The following GRIK1 variants were observed in gnomAD, a reference collection of about 807,000 sequenced individuals.
GRIK1 encodes glutamate receptor ionotropic, kainate 1.
In GRIK1, 69 loss-of-function variants were observed where a neutral mutation model predicts 105.7. The ratio of observed to expected loss-of-function variants is 0.65; its 90% CI spans 0.54 to 0.80. GRIK1 has a LOEUF of 0.80. Among genes scored for constraint, GRIK1 ranks in the 30% least tolerant of loss-of-function variants. The pLI, the probability that GRIK1 is intolerant of heterozygous loss-of-function variation, is 0.00. For synonymous variants in GRIK1, 438 were observed against 431.3 expected (o/e 1.02, Z -0.19); for missense variants, 1,109 against 1,167.3 (o/e 0.95, Z 0.73).
At chr21:29,672,944 A>G (rs1455389742) in intron 4 of GRIK1, 39 bp downstream of exon 4, 2 of 1,472,108 alleles carry the variant, frequency 1.4e-6, no homozygotes, top group Middle Eastern at 1.8e-4. Flanking sequence ...AGAAAATAAC[A>G]TTTATCCCAC....
At chr21:29,771,932 A>T (rs1475214125) in intron 1 of GRIK1, among the ~76,000 whole-genome samples, 1 of 152,228 alleles carries the variant, frequency 6.6e-6, no homozygotes, top group East Asian at 1.9e-4. Context: ...AAAGATGAAC[A>T]CTCAGCAAGC....
At chr21:29,606,592 C>T (rs533808124) in intron 7 of GRIK1, among the ~76,000 whole-genome samples, 13 of 152,164 alleles carry the variant, frequency 8.5e-5, no homozygotes, top group South Asian at 4.2e-4. Context: ...AATGGTCCTA[C>T]GATGGTGCCC....
At chr21:29,668,992 C>T (rs762394641) in intron 4 of GRIK1, among the ~76,000 whole-genome samples, 3 of 152,056 alleles carry the variant, frequency 2.0e-5, no homozygotes, top group Admixed American at 1.3e-4. Flanking sequence ...AGGACACATG[C>T]GACCTTCTGG....
chr21:29,897,576 T>C (rs1569200088), intron 1 of GRIK1, among the ~76,000 whole-genome samples: 1 of 152,216 alleles, frequency 6.6e-6, no homozygotes, highest in Non-Finnish European at 1.5e-5. Context: ...AAATTTTACA[T>C]TCATGTTAAA....
At chr21:29,915,528 C>T (rs1201003216) in intron 1 of GRIK1, among the ~76,000 whole-genome samples, 1 of 151,978 alleles carries the variant, frequency 6.6e-6, no homozygotes, top group Non-Finnish European at 1.5e-5. Context: ...CTTTCTCTCA[C>T]AGGAAGGGAA....
At chr21:29,598,470 G>A (rs1362365914) in intron 8 of GRIK1, among the ~76,000 whole-genome samples, 3 of 152,108 alleles carry the variant, frequency 2.0e-5, no homozygotes, top group South Asian at 4.1e-4. Context: ...CCATTCCATC[G>A]ATAAACCATT....
Position 29,537,225 on chromosome 21 carries a change from T to C in GRIK1, c.*5A>G. The C allele has an allele frequency of 6.3e-7, 1 of 1,581,462 alleles. No individual in the cohort carries two copies. The highest frequency in any genetic ancestry group is 8.6e-7 in the Non-Finnish European group (1 of 1,168,530). On this transcript the variant is annotated 3_prime_UTR_variant, in exon 18 of 18. Transcript: ENST00000327783. The stretch of plus-strand genomic sequence containing the variant: ...CCTTTTTCTTCCTACAGGCGTTTCC[T>C]TGGATCACGCCACAGTCTCTTTTCT...
intron 3 of GRIK1, among the ~76,000 whole-genome samples, chr21:29,682,644 A>C (rs2063402393): frequency 1.3e-5 from 2 of 152,254 alleles, no homozygotes; most frequent in South Asian, 4.1e-4. Context: ...AGATGAATTA[A>C]AGATTTAAGT....
chr21:29,847,164 C>G (rs911415973), intron 1 of GRIK1, among the ~76,000 whole-genome samples: 1 of 152,172 alleles, frequency 6.6e-6, no homozygotes, highest in Admixed American at 6.5e-5. Flanking sequence ...TAATTCTTAG[C>G]TCTCCGCTCT....
intron 8 of GRIK1, 78 bp from the exon 9 acceptor site, chr21:29,596,648 T>A: frequency 1.0e-6 from 1 of 985,778 alleles, no homozygotes; most frequent in Non-Finnish European, 1.6e-6. Context: ...GGAATCATGG[T>A]GTGTGAGTGC....
At chr21:29,619,649 A>G (rs2061941738) in intron 7 of GRIK1, among the ~76,000 whole-genome samples, 1 of 152,208 alleles carries the variant, frequency 6.6e-6, no homozygotes, top group Non-Finnish European at 1.5e-5. Context: ...ATTGAAAAGT[A>G]AAATAAAATT....
chr21:29,818,750 T>C (rs932191395), intron 1 of GRIK1, among the ~76,000 whole-genome samples: 1 of 152,042 alleles, frequency 6.6e-6, no homozygotes, highest in Non-Finnish European at 1.5e-5. Context: ...CTGATTGAAA[T>C]TCAGATACAG....
chr21:29,645,659 A>G (rs1258295824), intron 6 of GRIK1, among the ~76,000 whole-genome samples: 2 of 152,164 alleles, frequency 1.3e-5, no homozygotes, highest in African/African-American at 2.4e-5. Context: ...TAGCACTAAT[A>G]AACTACCACT....
intron 1 of GRIK1, among the ~76,000 whole-genome samples, chr21:29,853,121 A>T (rs1352153080): frequency 6.6e-6 from 1 of 152,228 alleles, no homozygotes; most frequent in Non-Finnish European, 1.5e-5. Flanking sequence ...TTCATTCTCT[A>T]CTGGCAAAAT....
At chr21:29,579,581 C>T (rs2090970315) in intron 13 of GRIK1, among the ~76,000 whole-genome samples, 1 of 152,130 alleles carries the variant, frequency 6.6e-6, no homozygotes, top group Admixed American at 6.5e-5. Context: ...AGTACAGTGA[C>T]AAGCTTCTGC....
chr21:29,835,676 C>A (rs1007251582), intron 1 of GRIK1, among the ~76,000 whole-genome samples: 2 of 152,128 alleles, frequency 1.3e-5, no homozygotes, highest in Non-Finnish European at 2.9e-5. Context: ...ATTTTATATC[C>A]TATAAATCCA....
chr21:29,584,311 T>A (rs1010660840), intron 12 of GRIK1, among the ~76,000 whole-genome samples: 27 of 152,172 alleles, frequency 1.8e-4, no homozygotes, highest in Non-Finnish European at 2.8e-4. Context: ...TTTCTAGATT[T>A]TTTTTTGCCA....
chr21:29,780,622 G>A (rs1417138810), intron 1 of GRIK1, among the ~76,000 whole-genome samples: 1 of 152,170 alleles, frequency 6.6e-6, no homozygotes, highest in Non-Finnish European at 1.5e-5. Context: ...AGGAGAACGA[G>A]CAGCTTTAGG....
intron 1 of GRIK1, among the ~76,000 whole-genome samples, chr21:29,712,983 T>G (rs2064094529): frequency 6.6e-6 from 1 of 152,172 alleles, no homozygotes; most frequent in Non-Finnish European, 1.5e-5. Context: ...CTTGTGATGC[T>G]ATGTTGACAG....
Sources: allele counts gnomAD v4.1 joint callset (sites outside exome capture counted in the v4.1 genomes callset), GRCh38; gene constraint gnomAD v4.1.1; transcripts MANE v1.5; gene names NCBI Gene and HGNC (gene_info 2026-07-23, HGNC 2026-07-21).